The following IL1RL2 variants were observed in gnomAD, a reference collection of about 807,000 sequenced individuals.
The protein encoded by IL1RL2 is interleukin 1 receptor like 2, also known as interleukin-1 receptor-like 2.
In IL1RL2, 68 loss-of-function variants were observed where a neutral mutation model predicts 66.8. The ratio of observed to expected loss-of-function variants is 1.02; its 90% CI spans 0.84 to 1.25. The LOEUF is 1.25. IL1RL2 is among the 50% of genes most tolerant of loss of function. The pLI, the probability that IL1RL2 is intolerant of heterozygous loss-of-function variation, is 0.00. For synonymous variants in IL1RL2, 305 were observed against 264.6 expected (o/e 1.15, Z -1.48); for missense variants, 729 against 709.3 (o/e 1.03, Z -0.32).
intron 4 of IL1RL2, among the ~76,000 whole-genome samples, chr2:102,200,117 C>CA (rs35208716): frequency 0.4 from 38,296 of 94,698 alleles, 7,472 homozygotes; most frequent in East Asian, 0.58. Context: ...CCTGTTCCAG[C>CA]AAAAAAAAAA....
Position 102,219,874 on chromosome 2 carries a change from T to C in IL1RL2, c.855-7T>C. On this transcript the variant is annotated splice_polypyrimidine_tract_variant and splice_region_variant and intron_variant, in intron 7 of 11. Coordinates refer to ENST00000264257, the MANE Select transcript of IL1RL2 (RefSeq NM_003854.4). ...ATGTATTAATGACTTACTCTTTTCT[T>C]TTATAGAACCCATGTCTCTTTTCGG... The C allele has an allele frequency of 6.3e-7, 1 of 1,599,672 alleles. No individual in the cohort carries two copies.
intron 5 of IL1RL2, among the ~76,000 whole-genome samples, chr2:102,205,282 C>A (rs918163043): frequency 6.6e-6 from 1 of 152,126 alleles, no homozygotes; most frequent in East Asian, 1.9e-4. Context: ...AGGATAAGAA[C>A]AGTTTCACAC....
chr2:102,238,475 C>T (rs932275487), intron 11 of IL1RL2, among the ~76,000 whole-genome samples: 3 of 152,180 alleles, frequency 2.0e-5, no homozygotes, highest in South Asian at 2.1e-4. Flanking sequence ...GCTCAGGGAG[C>T]CTCAGTCCCC....
At chr2:102,216,500 G>A (rs1689627180) in intron 6 of IL1RL2, among the ~76,000 whole-genome samples, 1 of 151,978 alleles carries the variant, frequency 6.6e-6, no homozygotes, top group Non-Finnish European at 1.5e-5. Flanking sequence ...CATATAGTTG[G>A]TTCTTGTTTT....
At chr2:102,227,051 C>T (rs896362571) in intron 9 of IL1RL2, among the ~76,000 whole-genome samples, 2 of 152,190 alleles carry the variant, frequency 1.3e-5, no homozygotes, top group African/African-American at 4.8e-5. Context: ...CCTGGCATTT[C>T]CCACCATGGT....
chr2:102,226,911 C>T (rs980796863), intron 9 of IL1RL2, among the ~76,000 whole-genome samples: 4 of 152,320 alleles, frequency 2.6e-5, no homozygotes, highest in African/African-American at 9.6e-5. Flanking sequence ...CACAGGGCGG[C>T]CTCTATTGCT....
intron 3 of IL1RL2, among the ~76,000 whole-genome samples, chr2:102,191,584 T>A (rs1300089473): frequency 6.6e-6 from 1 of 152,242 alleles, no homozygotes; most frequent in Non-Finnish European, 1.5e-5. Context: ...TTGGGGTTTG[T>A]CAGGTATTTC....
intron 8 of IL1RL2, among the ~76,000 whole-genome samples, chr2:102,224,174 C>T (rs1192919022): frequency 6.6e-6 from 1 of 152,104 alleles, no homozygotes; most frequent in Non-Finnish European, 1.5e-5. Flanking sequence ...CCTCAAAAAA[C>T]TAAAAATATA....
Position 102,235,019 on chromosome 2 carries a change from A to C in IL1RL2, c.1420A>C (p.Ser474Arg). 6.2e-7 allele frequency: 1 copy of C among 1,614,200 alleles called. No individual in the cohort carries two copies. ...GTCAGAAGAACAAATCGCGGTCTAC[A>C]GTGCCCTGATCCAGGACGGGATGAA... ...NLSEEQIAVY[S>R]ALIQDGMKVI... The change falls in exon 11 of 12, where the codon AGT becomes CGT. Residue 474 changes from serine to arginine, a missense_variant. By Grantham distance (110) the Ser-to-Arg change is moderately radical. Transcript: ENST00000264257.
At chr2:102,188,039 C>A in intron 2 of IL1RL2, 114 bp downstream of exon 2, 2 of 965,728 alleles carry the variant, frequency 2.1e-6, no homozygotes, top group Non-Finnish European at 3.3e-6. Context: ...TTCCCCTCCC[C>A]AGACCGCCAG....
At chr2:102,187,328 G>A in intron 1 of IL1RL2, 1 of 1,170,960 alleles carries the variant, frequency 8.5e-7, no homozygotes, top group Non-Finnish European at 1.1e-6. Context: ...CTCCTTTCCC[G>A]CTGGCCCTTG....
intron 5 of IL1RL2, 137 bp downstream of exon 5, chr2:102,201,852 C>T: frequency 1.4e-6 from 1 of 723,442 alleles, no homozygotes; most frequent in Non-Finnish European, 2.3e-6. Flanking sequence ...GCTCTCAGAC[C>T]TGCCACTGTT....
intron 6 of IL1RL2, among the ~76,000 whole-genome samples, chr2:102,212,865 A>C (rs781671770): frequency 3.3e-5 from 5 of 152,186 alleles, no homozygotes; most frequent in Non-Finnish European, 7.4e-5. Flanking sequence ...GCTACTTGGG[A>C]GGCCGAGGCA....
At chr2:102,230,372 T>C (rs943163033) in intron 9 of IL1RL2, among the ~76,000 whole-genome samples, 1 of 152,210 alleles carries the variant, frequency 6.6e-6, no homozygotes, top group Non-Finnish European at 1.5e-5. Context: ...ATCAGTGACC[T>C]TTATGATTCC....
chr2:102,187,995 C>G, intron 2 of IL1RL2, 70 bp downstream of exon 2: 3 of 1,467,744 alleles, frequency 2.0e-6, no homozygotes, highest in Non-Finnish European at 2.9e-6. Flanking sequence ...TCATTGGGAG[C>G]CCCCGGGGAT....
chr2:102,192,186 T>A, intron 4 of IL1RL2, 66 bp downstream of exon 4: 1 of 1,112,194 alleles, frequency 9.0e-7, no homozygotes, highest in Non-Finnish European at 1.3e-6. Context: ...TTTTTATAGG[T>A]TAAGTTGTAT....
chr2:102,232,934 T>C, intron 9 of IL1RL2, 29 bp from the exon 10 acceptor site: 1 of 1,587,684 alleles, frequency 6.3e-7, no homozygotes, highest in Non-Finnish European at 8.6e-7. Context: ...GTAGCAACAA[T>C]TCCACAAGCT....
At chr2:102,207,738 C>T (rs1688823831) in intron 5 of IL1RL2, among the ~76,000 whole-genome samples, 2 of 152,260 alleles carry the variant, frequency 1.3e-5, no homozygotes, top group South Asian at 4.1e-4. Flanking sequence ...CTTGGCTGCC[C>T]TAGATGGGAA....
chr2:102,212,060 C>T lies in IL1RL2; in HGVS notation c.650-40C>T, dbSNP rs566496662. 72 of 1,452,066 alleles carry T rather than the reference C, an allele frequency of 5.0e-5. No homozygotes were observed. The South Asian group carries it at 6.4e-4, about 13-fold the overall frequency. 89.9% of individuals were successfully genotyped at this position (1,452,066 alleles called of 1,614,324 possible). A position where few individuals can be genotyped will look rare whatever the true frequency, so the allele number is the denominator to read the frequency against. ...TCAAAGTACTTGGGAATGTATCATA[C>T]GTGATTCTAATGCAATTTCCTGTGG... is the stretch of plus-strand genomic sequence containing the variant. On this transcript the variant is annotated intron_variant, in intron 5 of 11. Transcript: ENST00000264257.
Sources: allele counts gnomAD v4.1 joint callset (sites outside exome capture counted in the v4.1 genomes callset), GRCh38; gene constraint gnomAD v4.1.1; transcripts MANE v1.5; gene names NCBI Gene and HGNC (gene_info 2026-07-23, HGNC 2026-07-21).